Variants in AXIN2 observed in about 807,000 individuals in gnomAD.
The protein encoded by AXIN2 is axin-2.
Under a neutral mutation model 74.7 loss-of-function variants are expected in AXIN2, and 21 were observed. The observed-to-expected ratio is 0.28, with a 90% CI of 0.20 to 0.40. AXIN2 has a LOEUF of 0.40. AXIN2 is among the 10% of genes least tolerant of loss of function. The probability of loss-of-function intolerance (pLI) is 1.00; values close to 1 mark genes in which losing one functional copy is unlikely to be tolerated. For missense variants in AXIN2, 1,144 were observed against 1,111.1 expected (o/e 1.03, Z -0.42); for synonymous variants, 532 against 454.9 (o/e 1.17, Z -2.16).
intron 1 of AXIN2, among the ~76,000 whole-genome samples, chr17:65,559,728 A>G (rs2044334206): frequency 6.6e-6 from 1 of 152,160 alleles, no homozygotes; most frequent in South Asian, 2.1e-4. Context: ...TCTAACCAAT[A>G]AACAAGCTGC....
chr17:65,536,765 G>A (rs1285701483), intron 7 of AXIN2, 104 bp downstream of exon 7: 3 of 1,523,310 alleles, frequency 2.0e-6, no homozygotes, highest in African/African-American at 1.4e-5. Flanking sequence ...GGAGCAAATA[G>A]TCACATTTGT....
chr17:65,537,922 AG>A, intron 5 of AXIN2, 87 bp from the exon 6 acceptor site: 1 of 1,466,282 alleles, frequency 6.8e-7, no homozygotes, highest in Non-Finnish European at 9.1e-7. Flanking sequence ...CTCCCTACGC[AG>A]GAGCACGCAC....
rs776078682 is a variant in AXIN2, at chr17:65,538,179, GGAA to G, written c.1200+21_1200+23del. On this transcript the variant is annotated intron_variant, in intron 5 of 10. Transcript: ENST00000307078. ...AGCGCTCACGCCGTGGACGGAAGCA[GGAA>G]GAAGGCCTAGGCCGCATTACCTCTC... 10 of 1,614,078 alleles carry G rather than the reference GGAA, an allele frequency of 6.2e-6. No individual in the cohort carries two copies. The Admixed American group carries it at 6.7e-5, about 11-fold the overall frequency.
At chr17:65,544,311 T>C (rs1248238555) in intron 3 of AXIN2, among the ~76,000 whole-genome samples, 1 of 141,876 alleles carries the variant, frequency 7.0e-6, no homozygotes, top group Non-Finnish European at 1.5e-5. Context: ...GGGAGGGGAG[T>C]AGATAACTGC....
chr17:65,561,351 GC>G (rs1376387930), intron 1 of AXIN2, 98 bp downstream of exon 1: 2 of 45,878 alleles, frequency 4.4e-5, no homozygotes, highest in Admixed American at 5.7e-4. Flanking sequence ...GCCCCCTCCC[GC>G]CCCCCGCGCC....
At position 65,537,520 on chromosome 17, in the gene AXIN2, C is replaced by T. The variant is rs1250017056; in HGVS notation, c.1516G>A (p.Val506Met). The T allele has an allele frequency of 1.2e-6, 2 of 1,613,794 alleles. No homozygotes were observed. The highest frequency in any genetic ancestry group is 2.2e-5 in the East Asian group (1 of 44,734). Residue 506 changes from valine (V) to methionine (M), a missense_variant, in exon 6 of 11, where the codon GTG becomes ATG. Val to Met is a conservative substitution (Grantham distance 21, BLOSUM62 1). Around this residue, in one of 4 missense-constraint regions of AXIN2, gnomAD observed 1,053 missense variants for 973.5 expected, o/e 1.08. Coordinates refer to ENST00000307078, the MANE Select transcript of AXIN2 (RefSeq NM_004655.4). ...ACPLLGGKGFVTKQTTKHVHH... is the reference protein window; with the variant it reads ...ACPLLGGKGFMTKQTTKHVHH... The stretch of plus-strand genomic sequence containing the variant: ...ACATGCTTCGTCGTCTGCTTGGTCA[C>T]AAAGCCTTTGCCCCCGAGGAGGGGG...
rs2043865412 is a variant in AXIN2, at chr17:65,533,944, A to T, written c.2373T>A (p.Phe791Leu). The change falls in exon 10 of 11, where the codon TTT (phenylalanine) becomes TTA (leucine). Residue 791 changes from phenylalanine (F) to leucine (L), a missense_variant. Phe to Leu is a conservative substitution (Grantham distance 22). This residue lies in a region of AXIN2 where 65 missense variants were observed against 95.7 expected (regional missense o/e 0.68). Coordinates refer to ENST00000307078, the MANE Select transcript of AXIN2 (RefSeq NM_004655.4). ...LKAQSLTLGH[F>L]KEQLSKKGNY... Reference sequence around the variant, plus strand: ...TTCCCTTTTTGCTGAGCTGCTCTTTAAAGTGGCCCAGGGTCAAGCTCTGAG... The same window carrying T: ...TTCCCTTTTTGCTGAGCTGCTCTTTTAAGTGGCCCAGGGTCAAGCTCTGAG... 1 of 1,614,116 alleles carries T rather than the reference A, an allele frequency of 6.2e-7. No individual in the cohort carries two copies. The highest frequency in any genetic ancestry group is 2.2e-5 in the East Asian group (1 of 44,882).
At chr17:65,542,071 T>G (rs1322928313) in intron 3 of AXIN2, among the ~76,000 whole-genome samples, 1 of 152,174 alleles carries the variant, frequency 6.6e-6, no homozygotes, top group Non-Finnish European at 1.5e-5. Context: ...ACTCTCCAAG[T>G]CAACCTCCTA....
chr17:65,534,083 A>G lies in AXIN2; in HGVS notation c.2238-4T>C, dbSNP rs1351225357. The G allele has an allele frequency of 1.9e-6, 3 of 1,614,214 alleles. No individual in the cohort carries two copies. The highest frequency in any genetic ancestry group is 1.6e-4 in the Middle Eastern group (1 of 6,062). ...CAGTTTCTTTGGCTCTTTGTGACTG[A>G]AAATAAGATGGAATGGAACAAGTTT... On this transcript the variant is annotated splice_polypyrimidine_tract_variant and splice_region_variant and intron_variant, in intron 9 of 10. Coordinates refer to ENST00000307078, the MANE Select transcript of AXIN2 (RefSeq NM_004655.4).
intron 9 of AXIN2, among the ~76,000 whole-genome samples, chr17:65,534,744 C>CATGGCG (rs1255720840): frequency 6.6e-6 from 1 of 152,134 alleles, no homozygotes; most frequent in Non-Finnish European, 1.5e-5. Context: ...GCTTGGCCAA[C>CATGGCG]ATGGCGAAAC....
chr17:65,539,122 A>T (rs764660316), intron 4 of AXIN2, among the ~76,000 whole-genome samples: 3 of 152,162 alleles, frequency 2.0e-5, no homozygotes, highest in Non-Finnish European at 4.4e-5. Flanking sequence ...CAAAAGCAGC[A>T]AACAGAGAGA....
At chr17:65,554,172 G>C (rs1185968595) in intron 2 of AXIN2, among the ~76,000 whole-genome samples, 1 of 152,098 alleles carries the variant, frequency 6.6e-6, no homozygotes, top group Non-Finnish European at 1.5e-5. Flanking sequence ...TAAACCAGAG[G>C]GGAGCCTCCA....
At chr17:65,547,742 T>C (rs1466365305) in intron 3 of AXIN2, among the ~76,000 whole-genome samples, 1 of 152,192 alleles carries the variant, frequency 6.6e-6, no homozygotes, top group Non-Finnish European at 1.5e-5. Flanking sequence ...ATGCTAAGAT[T>C]CCCACACAAT....
chr17:65,559,991 C>T (rs1341948640), intron 1 of AXIN2: 1 of 152,232 alleles, frequency 6.6e-6, no homozygotes, highest in Non-Finnish European at 1.5e-5. Flanking sequence ...GCTCTCATGT[C>T]CTCCGAGCCC....
Position 65,538,152 on chromosome 17 carries a change from C to T in AXIN2, c.1200+51G>A, listed in dbSNP as rs375906660. 8.1e-6 allele frequency: 13 copies of T among 1,613,386 alleles called. No individual in the cohort carries two copies. The Admixed American group carries it at 1.3e-4, about 17-fold the overall frequency. On this transcript the variant is annotated intron_variant, in intron 5 of 10. Coordinates refer to ENST00000307078, the MANE Select transcript of AXIN2 (RefSeq NM_004655.4). The stretch of plus-strand genomic sequence containing the variant: ...CCCCATGCACATGCGCATACACATA[C>T]GAGCGCTCACGCCGTGGACGGAAGC...
Position 65,534,094 on chromosome 17 carries a change from G to A in AXIN2, c.2238-15C>T, listed in dbSNP as rs368693492. 1 of 1,614,056 alleles carries A rather than the reference G, an allele frequency of 6.2e-7. No homozygotes were observed. Among genetic ancestry groups the A allele is most frequent in the Non-Finnish European group, 8.5e-7 (1 of 1,180,028 alleles). ...GCTCTTTGTGACTGAAAATAAGATGGAATGGAACAAGTTTAGCATTTTAAA... is the reference window on the plus strand; with the variant it reads ...GCTCTTTGTGACTGAAAATAAGATGAAATGGAACAAGTTTAGCATTTTAAA... On this transcript the variant is annotated splice_polypyrimidine_tract_variant and intron_variant, in intron 9 of 10. Coordinates refer to ENST00000307078, the MANE Select transcript of AXIN2 (RefSeq NM_004655.4).
rs376584101 is a variant in AXIN2 at position 65,535,623 on chromosome 17, C to T, written c.2237+3G>A. On this transcript the variant is annotated splice_donor_region_variant and intron_variant, in intron 9 of 10. Transcript: ENST00000307078. The stretch of plus-strand genomic sequence containing the variant: ...CTCAGTAATGTCAGGTAAAGACACT[C>T]ACTCTTCTGGAGCCAGGCTTGGATT... 1.1e-4 allele frequency: 182 copies of T among 1,613,834 alleles called. No individual in the cohort carries two copies. The highest frequency in any genetic ancestry group is 9.8e-4 in the South Asian group (89 of 91,060).
At position 65,536,446 on chromosome 17, in the gene AXIN2, G is replaced by A. The variant is rs1060502141; in HGVS notation, c.2015C>T (p.Thr672Ile). 6.2e-7 allele frequency: 1 copy of A among 1,601,476 alleles called. No individual in the cohort carries two copies. Residue 672 changes from threonine (T) to isoleucine (I), a missense_variant, in exon 8 of 11, where the codon ACC becomes ATC. Coordinates refer to ENST00000307078, the MANE Select transcript of AXIN2 (RefSeq NM_004655.4). ...GGTGAACAGGTGGGCACGGGGGGTGGTGCGGGGGTGCCCGCTGTTGCCCCC... is the reference window on the plus strand; with the variant it reads ...GGTGAACAGGTGGGCACGGGGGGTGATGCGGGGGTGCCCGCTGTTGCCCCC... ...LWGGNSGHPR[T>I]TPRAHLFTQD...
intron 3 of AXIN2, among the ~76,000 whole-genome samples, chr17:65,542,095 G>T (rs1233143018): frequency 6.6e-6 from 1 of 152,142 alleles, no homozygotes; most frequent in African/African-American, 2.4e-5. Flanking sequence ...ATTTCCAAAT[G>T]TATTTCTTTT....
Sources: gnomAD v4.1 joint callset for allele counts (sites outside exome capture counted in the v4.1 genomes callset) on GRCh38, gnomAD v4.1.1 for gene constraint, gnomAD v4.1.1 regional missense constraint, MANE v1.5 for transcripts, NCBI Gene and HGNC (gene_info 2026-07-23, HGNC 2026-07-21) for gene names.